The following DEFB118 variants were observed in gnomAD, a reference collection of about 807,000 sequenced individuals.
DEFB118 encodes the protein defensin, beta 18.
In DEFB118, 3 loss-of-function variants were observed where a neutral mutation model predicts 2.8. The ratio of observed to expected loss-of-function variants is 1.09; its 90% CI spans 0.50 to 2.82. DEFB118 has a LOEUF of 2.82. DEFB118 is among the 30% of genes most tolerant of loss of function. DEFB118 has a pLI of 0.04. For synonymous variants in DEFB118, 63 were observed against 53.5 expected (o/e 1.18, Z -0.78); for missense variants, 159 against 144.6 (o/e 1.10, Z -0.51).
At chr20:31,371,588 A>T (rs57990676) in intron 1 of DEFB118, among the ~76,000 whole-genome samples, 36 of 152,216 alleles carry the variant, frequency 2.4e-4, no homozygotes, top group East Asian at 1.4e-3. Flanking sequence ...CTCCTGTCTC[A>T]GCCTCCTGAG....
At chr20:31,369,920 A>G (rs1302189648) in intron 1 of DEFB118, among the ~76,000 whole-genome samples, 1 of 152,128 alleles carries the variant, frequency 6.6e-6, no homozygotes. Context: ...AATAGGATAG[A>G]TTCCTAGAGG....
chr20:31,371,339 C>T (rs1986206069), intron 1 of DEFB118, among the ~76,000 whole-genome samples: 1 of 152,212 alleles, frequency 6.6e-6, no homozygotes, highest in African/African-American at 2.4e-5. Context: ...TAATCACACA[C>T]TTCCTAAACC....
intron 1 of DEFB118, among the ~76,000 whole-genome samples, chr20:31,372,042 T>C (rs1313896686): frequency 6.6e-6 from 1 of 152,200 alleles, no homozygotes; most frequent in Non-Finnish European, 1.5e-5. Context: ...TATGGATGAG[T>C]AGTAATCCAT....
chr20:31,371,363 G>A (rs1201498529), intron 1 of DEFB118, among the ~76,000 whole-genome samples: 2 of 151,688 alleles, frequency 1.3e-5, no homozygotes, highest in Admixed American at 1.3e-4. Context: ...TCCCTGCTTC[G>A]TTTCTCTCCA....
Position 31,368,601 on chromosome 20 carries a change from A to C in DEFB118, c.-50A>C. 5.7e-6 allele frequency: 9 copies of C among 1,584,714 alleles called. No homozygotes were observed. Among genetic ancestry groups the C allele is most frequent in the Non-Finnish European group, 7.8e-6 (9 of 1,153,682 alleles). ...AAACTCTTGTTCAGACTCACACTGC[A>C]CACAGTATTCTGAACTCCTGGATCT... On this transcript the variant is annotated 5_prime_UTR_variant, in exon 1 of 2. Transcript: ENST00000253381.
intron 1 of DEFB118, among the ~76,000 whole-genome samples, chr20:31,371,551 G>T (rs928657856): frequency 2.6e-5 from 4 of 151,824 alleles, no homozygotes; most frequent in Non-Finnish European, 4.4e-5. Flanking sequence ...ACTCACTGCA[G>T]CCTCCGTCTC....
intron 1 of DEFB118, 69 bp from the exon 2 acceptor site, chr20:31,372,788 T>C (rs992636625): frequency 4.9e-6 from 6 of 1,233,942 alleles, no homozygotes; most frequent in Non-Finnish European, 3.5e-6. Flanking sequence ...ATGCGAGATA[T>C]ACAGTCATGC....
intron 1 of DEFB118, among the ~76,000 whole-genome samples, chr20:31,371,697 T>A (rs2122271540): frequency 6.6e-6 from 1 of 152,310 alleles, no homozygotes; most frequent in South Asian, 2.1e-4. Context: ...TTTATTTTTT[T>A]AATTTCAATA....
intron 1 of DEFB118, among the ~76,000 whole-genome samples, chr20:31,371,459 T>C (rs2122271160): frequency 6.6e-6 from 1 of 152,006 alleles, no homozygotes; most frequent in South Asian, 2.1e-4. Flanking sequence ...TCTTATTATC[T>C]ACTTTTTTTC....
At chr20:31,370,674 G>C (rs537022263) in intron 1 of DEFB118, among the ~76,000 whole-genome samples, 1 of 152,128 alleles carries the variant, frequency 6.6e-6, no homozygotes. Context: ...ATACACAAGG[G>C]TTTTTCTATC....
At chr20:31,371,556 C>G (rs924756732) in intron 1 of DEFB118, among the ~76,000 whole-genome samples, 1 of 152,126 alleles carries the variant, frequency 6.6e-6, no homozygotes, top group South Asian at 2.1e-4. Context: ...CTGCAGCCTC[C>G]GTCTCCCAGG....
chr20:31,371,202 C>T (rs1177431902), intron 1 of DEFB118, among the ~76,000 whole-genome samples: 3 of 152,134 alleles, frequency 2.0e-5, no homozygotes, highest in Non-Finnish European at 4.4e-5. Flanking sequence ...TGAGACAGGT[C>T]CTGCCTCTAA....
intron 1 of DEFB118, among the ~76,000 whole-genome samples, chr20:31,371,750 T>C (rs764827334): frequency 8.5e-5 from 13 of 152,226 alleles, no homozygotes; most frequent in African/African-American, 1.2e-4. Context: ...GGATGAATTG[T>C]ATAGTGGTGA....
intron 1 of DEFB118, 82 bp downstream of exon 1, chr20:31,368,790 C>A: frequency 7.4e-7 from 1 of 1,345,216 alleles, no homozygotes; most frequent in Non-Finnish European, 1.1e-6. Flanking sequence ...CACGGTACTC[C>A]CCAACATGGG....
rs1986249544 is a variant in DEFB118, at chr20:31,373,330, T to A, written c.*160T>A. On this transcript the variant is annotated 3_prime_UTR_variant, in exon 2 of 2. Coordinates refer to ENST00000253381, the MANE Select transcript of DEFB118 (RefSeq NM_054112.3). ...AAAGAAGTCTAAAATTTTCACTATT[T>A]CCAATGATAAACTCTTCAGTGCTCT... 1 of 629,840 alleles carries A rather than the reference T, an allele frequency of 1.6e-6. No individual in the cohort carries two copies. The highest frequency in any genetic ancestry group is 2.7e-6 in the Non-Finnish European group (1 of 368,864). 39.0% of individuals were successfully genotyped at this position (629,840 alleles called of 1,614,324 possible).
intron 1 of DEFB118, among the ~76,000 whole-genome samples, chr20:31,369,939 C>G (rs112073694): frequency 6.6e-6 from 1 of 152,080 alleles, no homozygotes; most frequent in African/African-American, 2.4e-5. Context: ...GGGCAAATAA[C>G]CAAGTTAAAT....
Position 31,373,110 on chromosome 20 carries a change from A to C in DEFB118, c.312A>C (p.Glu104Asp). ...TAAGCAGCAAGAAAGATATGGTTGA[A>C]GAGTCTGAGGCGGGAAGGGGAACTG... ...FEVSSKKDMV[E>D]ESEAGRGTET... Residue 104 changes from glutamate (E) to aspartate (D), a missense_variant, in exon 2 of 2, where the codon GAA becomes GAC. Transcript: ENST00000253381. 1 of 1,614,190 alleles carries C rather than the reference A, an allele frequency of 6.2e-7. No homozygotes were observed. Among genetic ancestry groups the C allele is most frequent in the South Asian group, 1.1e-5 (1 of 91,076 alleles).
intron 1 of DEFB118, among the ~76,000 whole-genome samples, chr20:31,369,564 A>G (rs1986178037): frequency 6.6e-6 from 1 of 151,882 alleles, no homozygotes; most frequent in African/African-American, 2.4e-5. Flanking sequence ...TAATTTTTGT[A>G]TTTTTAGTAG....
At chr20:31,370,616 C>T (rs528631390) in intron 1 of DEFB118, among the ~76,000 whole-genome samples, 2 of 152,304 alleles carry the variant, frequency 1.3e-5, no homozygotes, top group East Asian at 3.9e-4. Flanking sequence ...GAATAGAAAT[C>T]AGTGACATTT....
Sources: allele counts gnomAD v4.1 joint callset (sites outside exome capture counted in the v4.1 genomes callset), GRCh38; gene constraint gnomAD v4.1.1; transcripts MANE v1.5; gene names NCBI Gene and HGNC (gene_info 2026-07-23, HGNC 2026-07-21).